FKBP3: variants seen among roughly 807,000 people sequenced by gnomAD.
FKBP3 encodes the protein peptidyl-prolyl cis-trans isomerase FKBP3.
FKBP3 carries 21 observed loss-of-function variants against 30.6 expected under a neutral mutation model. That is an observed-to-expected ratio of 0.69 (90% confidence interval 0.49 to 0.99). The LOEUF is 0.99. Ranked by LOEUF, FKBP3 falls within the 50% of genes least tolerant of loss-of-function variation. The probability of loss-of-function intolerance (pLI) is 0.00; values close to 1 mark genes in which losing one functional copy is unlikely to be tolerated. For missense variants in FKBP3, 283 were observed against 261.6 expected (o/e 1.08, Z -0.56); for synonymous variants, 82 against 91.3 (o/e 0.90, Z 0.58).
chr14:45,127,776 T>A lies in FKBP3; in HGVS notation c.318+2018A>T, dbSNP rs930047855. Among the ~76,000 whole-genome samples the A allele has an allele frequency of 2.6e-5, 4 of 152,182 alleles. No individual in the cohort carries two copies. In the South Asian group the frequency reaches 8.3e-4, roughly 31 times the overall value. ...AGAAATCTTATTAGAATACCCATTT[T>A]GTTGCTGACTGGATAAAGAAAGAGA... On this transcript the variant is annotated intron_variant, in intron 3 of 6. Transcript: ENST00000396062.
At chr14:45,118,836 G>A (rs1264706175) in intron 5 of FKBP3, among the ~76,000 whole-genome samples, 4 of 152,024 alleles carry the variant, frequency 2.6e-5, no homozygotes, top group African/African-American at 7.2e-5. Context: ...GTGGAGTCAC[G>A]TTGGCACATA....
At chr14:45,123,631 T>C (rs941196963) in intron 3 of FKBP3, among the ~76,000 whole-genome samples, 2 of 135,862 alleles carry the variant, frequency 1.5e-5, no homozygotes, top group Non-Finnish European at 3.1e-5. Flanking sequence ...TTTTTTTTTT[T>C]TCAGATGGAG....
intron 5 of FKBP3, among the ~76,000 whole-genome samples, chr14:45,120,256 A>C (rs1041198032): frequency 1.3e-5 from 2 of 151,998 alleles, no homozygotes; most frequent in Non-Finnish European, 1.5e-5. Context: ...AGTCTGCCCT[A>C]CTCTTTTATC....
Position 45,129,918 on chromosome 14 carries a change from G to C in FKBP3, c.211-17C>G, listed in dbSNP as rs758422509. 6.5e-7 allele frequency: 1 copy of C among 1,541,856 alleles called. No homozygotes were observed. The highest frequency in any genetic ancestry group is 8.9e-7 in the Non-Finnish European group (1 of 1,120,006). The stretch of plus-strand genomic sequence containing the variant: ...CTTAAAACGCTGTAAGGAAAATGTT[G>C]TAACATCATACCCAGGACAGGCTAA... On this transcript the variant is annotated splice_polypyrimidine_tract_variant and intron_variant, in intron 2 of 6. Transcript: ENST00000396062.
intron 1 of FKBP3, among the ~76,000 whole-genome samples, chr14:45,131,991 G>C (rs1885227445): frequency 6.6e-6 from 1 of 152,174 alleles, no homozygotes; most frequent in Admixed American, 6.5e-5. Flanking sequence ...TAATTGTGAG[G>C]ATTTCCATAA....
At chr14:45,129,938 G>T in intron 2 of FKBP3, 37 bp from the exon 3 acceptor site, 1 of 1,350,230 alleles carries the variant, frequency 7.4e-7, no homozygotes, top group Non-Finnish European at 1.0e-6. Flanking sequence ...ACCCAGGACA[G>T]GCTAAAACCA....
At chr14:45,123,241 C>G (rs1379335863) in intron 3 of FKBP3, among the ~76,000 whole-genome samples, 2 of 151,606 alleles carry the variant, frequency 1.3e-5, no homozygotes, top group African/African-American at 2.4e-5. Context: ...GCAAAAGATT[C>G]TCTCCCTGAC....
rs769038616 is a variant in FKBP3, at chr14:45,121,630, A to G, written c.319-10T>C. On this transcript the variant is annotated splice_polypyrimidine_tract_variant and intron_variant, in intron 3 of 6. Coordinates refer to ENST00000396062, the MANE Select transcript of FKBP3 (RefSeq NM_002013.4). ...TATATTTTGGTGGACCCTAAAAACA[A>G]AAAACAACACACACACACAGAGTTA... The G allele has an allele frequency of 6.2e-7, 1 of 1,612,084 alleles. No homozygotes were observed. Among genetic ancestry groups the G allele is most frequent in the Non-Finnish European group, 8.5e-7 (1 of 1,179,350 alleles).
rs144023142 is a variant in FKBP3, at chr14:45,120,110, A to G, written c.522+777T>C. Among the ~76,000 whole-genome samples, 26 of 152,300 alleles carry G rather than the reference A, an allele frequency of 1.7e-4. No homozygotes were observed. In the East Asian group the frequency reaches 4.4e-3, roughly 26 times the overall value. On this transcript the variant is annotated intron_variant, in intron 5 of 6. Transcript: ENST00000396062. ...CTACTGATTGTACAGAGAGTAATATATTGAAGGTTCCTATAACTGCATTTA... is the reference window on the plus strand; with the variant it reads ...CTACTGATTGTACAGAGAGTAATATGTTGAAGGTTCCTATAACTGCATTTA...
chr14:45,131,628 C>CAAAAAA (rs536298530), intron 1 of FKBP3, among the ~76,000 whole-genome samples: 1,607 of 39,446 alleles, frequency 0.041, 195 homozygotes, highest in African/African-American at 0.13. Context: ...GACTCTGTCT[C>CAAAAAA]AAAAAAAAAA....
chr14:45,116,722 G>A (rs558898761), intron 6 of FKBP3, among the ~76,000 whole-genome samples: 23 of 151,936 alleles, frequency 1.5e-4, no homozygotes, highest in Admixed American at 2.6e-4. Context: ...CAGGCGTAGT[G>A]GTGCGCACCT....
chr14:45,132,002 CTTCT>C (rs1334881368), intron 1 of FKBP3, among the ~76,000 whole-genome samples: 8 of 152,170 alleles, frequency 5.3e-5, no homozygotes, highest in African/African-American at 1.9e-4. Flanking sequence ...ATTTCCATAA[CTTCT>C]TTGTTTCCTT....
At position 45,132,671 on chromosome 14, in the gene FKBP3, G is replaced by C. The variant is rs574439185; in HGVS notation, c.108+1678C>G. Among the ~76,000 whole-genome samples the C allele has an allele frequency of 2.6e-5, 4 of 152,060 alleles. No homozygotes were observed. The South Asian group carries it at 8.3e-4, about 32-fold the overall frequency. On this transcript the variant is annotated intron_variant, in intron 1 of 6. Coordinates refer to ENST00000396062, the MANE Select transcript of FKBP3 (RefSeq NM_002013.4). ...AGGATGGTCTCGATCTCCTGACCTC[G>C]TGATCCGCCCGCTTTGGCCTCCGAA...
intron 2 of FKBP3, 23 bp downstream of exon 2, chr14:45,130,676 T>C (rs1457345479): frequency 1.5e-6 from 2 of 1,349,254 alleles, no homozygotes; most frequent in East Asian, 2.4e-5. Context: ...GATGTTCTGC[T>C]AACAGAATCT....
rs1231283034 is a variant in FKBP3, at chr14:45,127,115, C to CTTTTTTTTTTTTTTTTTTTTTTTTTT, written c.318+2678_318+2679insAAAAAAAAAAAAAAAAAAAAAAAAAA. On this transcript the variant is annotated intron_variant, in intron 3 of 6. Coordinates refer to ENST00000396062, the MANE Select transcript of FKBP3 (RefSeq NM_002013.4). ...AGCCACTGTACCTGACTGACCCTGT[C>CTTTTTTTTTTTTTTTTTTTTTTTTTT]TTTTTTTTTTTTTTTGAGACAGAGT... Among the ~76,000 whole-genome samples, 33 of 120,652 alleles carry CTTTTTTTTTTTTTTTTTTTTTTTTTT rather than the reference C, an allele frequency of 2.7e-4. 1 individual carries two copies. Among genetic ancestry groups the CTTTTTTTTTTTTTTTTTTTTTTTTTT allele is most frequent in the African/African-American group, 1.0e-3 (27 of 26,970 alleles). 79.2% of individuals were successfully genotyped at this position (120,652 alleles called of 152,430 possible).
chr14:45,131,754 G>T (rs182618022), intron 1 of FKBP3, among the ~76,000 whole-genome samples: 74 of 151,886 alleles, frequency 4.9e-4, no homozygotes, highest in African/African-American at 1.7e-3. Context: ...TCAAAGAGTT[G>T]ATATAAGGAT....
intron 3 of FKBP3, among the ~76,000 whole-genome samples, chr14:45,125,604 C>T (rs1885078891): frequency 6.6e-6 from 1 of 152,080 alleles, no homozygotes; most frequent in African/African-American, 2.4e-5. Context: ...AATATATTGA[C>T]AATGACTGAT....
chr14:45,127,452 A>G (rs534586355), intron 3 of FKBP3, among the ~76,000 whole-genome samples: 1 of 152,260 alleles, frequency 6.6e-6, no homozygotes, highest in East Asian at 1.9e-4. Flanking sequence ...AAAATAAAAA[A>G]TTTTTAAATG....
chr14:45,129,128 C>T (rs1885162063), intron 3 of FKBP3, among the ~76,000 whole-genome samples: 3 of 152,170 alleles, frequency 2.0e-5, no homozygotes, highest in African/African-American at 7.2e-5. Flanking sequence ...CATCAATAGC[C>T]TCACCTCTTT....
Sources: allele counts gnomAD v4.1 joint callset (sites outside exome capture counted in the v4.1 genomes callset), GRCh38; gene constraint gnomAD v4.1.1; transcripts MANE v1.5; gene names NCBI Gene and HGNC (gene_info 2026-07-23, HGNC 2026-07-21).